The following TERF2 variants were observed in gnomAD, a reference collection of about 807,000 sequenced individuals.
TERF2 encodes the protein telomeric repeat binding factor 2.
A neutral mutation model predicts 56.1 loss-of-function variants in TERF2; 16 were observed. The ratio of observed to expected loss-of-function variants is 0.29; its 90% CI spans 0.19 to 0.43. The LOEUF is 0.43. Ranked by LOEUF, TERF2 falls within the 20% of genes least tolerant of loss-of-function variation. The pLI is 1.00. For synonymous variants in TERF2, 296 were observed against 282.1 expected (o/e 1.05, Z -0.50); for missense variants, 547 against 712.9 (o/e 0.77, Z 2.65).
intron 7 of TERF2, among the ~76,000 whole-genome samples, chr16:69,363,432 C>T (rs1009465437): frequency 5.9e-5 from 9 of 152,194 alleles, no homozygotes; most frequent in Non-Finnish European, 1.3e-4. Context: ...GTGTTCACTG[C>T]CTCTCCTGAC....
At chr16:69,382,115 C>T (rs1012366257) in intron 3 of TERF2, among the ~76,000 whole-genome samples, 3 of 152,188 alleles carry the variant, frequency 2.0e-5, no homozygotes, top group Non-Finnish European at 4.4e-5. Context: ...TGTTTTGGTT[C>T]TGCTTATGAA....
Position 69,367,155 on chromosome 16 carries a change from T to G in TERF2, c.992A>C (p.Lys331Thr). The G allele has an allele frequency of 1.2e-6, 2 of 1,614,098 alleles. No homozygotes were observed. The highest frequency in any genetic ancestry group is 1.7e-6 in the Non-Finnish European group (2 of 1,179,998). Residue 331 changes from lysine (K) to threonine (T), a missense_variant, in exon 7 of 10, where the codon AAA becomes ACA. Physicochemically the swap from Lys to Thr is moderately conservative, Grantham distance 78. Coordinates refer to ENST00000254942, the MANE Select transcript of TERF2 (RefSeq NM_005652.5). ...PPTTIGMMTL[K>T]AAFKTLSGAQ... ...ACCAGACAGAGTCTTGAAAGCTGCT[T>G]TCAGAGTCATCATTCCAATGGTGGT...
At chr16:69,372,800 T>C (rs2013626694) in intron 3 of TERF2, among the ~76,000 whole-genome samples, 1 of 152,114 alleles carries the variant, frequency 6.6e-6, no homozygotes, top group Non-Finnish European at 1.5e-5. Context: ...TCAAGTGTTA[T>C]GAACCACTGG....
intron 5 of TERF2, among the ~76,000 whole-genome samples, chr16:69,369,956 A>C (rs1475828499): frequency 1.3e-5 from 2 of 152,210 alleles, no homozygotes; most frequent in African/African-American, 4.8e-5. Context: ...CCATGTGTAA[A>C]GGAGATAAAA....
At chr16:69,377,266 C>T (rs1425603710) in intron 3 of TERF2, among the ~76,000 whole-genome samples, 1 of 151,786 alleles carries the variant, frequency 6.6e-6, no homozygotes, top group Non-Finnish European at 1.5e-5. Flanking sequence ...CTCTATAGAT[C>T]AACGGGAGCT....
chr16:69,369,962 T>C (rs1026974659), intron 5 of TERF2, among the ~76,000 whole-genome samples: 2 of 152,212 alleles, frequency 1.3e-5, no homozygotes, highest in African/African-American at 4.8e-5. Flanking sequence ...GTAAAGGAGA[T>C]AAAAATGGCA....
At position 69,384,678 on chromosome 16, in the gene TERF2, G is replaced by A; in HGVS notation, c.508C>T (p.Pro170Ser). 1 of 1,614,086 alleles carries A rather than the reference G, an allele frequency of 6.2e-7. No homozygotes were observed. Among genetic ancestry groups the A allele is most frequent in the Non-Finnish European group, 8.5e-7 (1 of 1,179,996 alleles). ...CSFDMEAELT[P>S]LESAINVLEM... ...AGCACATTGATAGCTGATTCCAGTG[G>A]TGTGAGCTCAGCCTCCATATCAAAG... The change falls in exon 3 of 10, where the codon CCA (proline) becomes TCA (serine). Residue 170 changes from proline to serine, a missense_variant. Coordinates refer to ENST00000254942, the MANE Select transcript of TERF2 (RefSeq NM_005652.5).
intron 7 of TERF2, chr16:69,365,167 T>C (rs1288910382): frequency 6.6e-6 from 1 of 152,256 alleles, no homozygotes; most frequent in Non-Finnish European, 1.5e-5. Context: ...TGTTTCCTCA[T>C]CTGTTCCCGG....
At chr16:69,368,686 A>T (rs776540436) in intron 5 of TERF2, 96 of 1,342,662 alleles carry the variant, frequency 7.1e-5, no homozygotes, top group Non-Finnish European at 9.1e-5. Context: ...TAACTAATAC[A>T]TTTTTTTTGA....
chr16:69,376,053 G>C (rs1205082103), intron 3 of TERF2, among the ~76,000 whole-genome samples: 1 of 152,036 alleles, frequency 6.6e-6, no homozygotes, highest in Non-Finnish European at 1.5e-5. Context: ...CAGAGCAAAA[G>C]TTTAAAATTT....
chr16:69,370,164 A>G (rs1196838589), intron 5 of TERF2: 1 of 321,308 alleles, frequency 3.1e-6, no homozygotes, highest in Non-Finnish European at 5.7e-6. Flanking sequence ...CAAAGTAGCT[A>G]GGATTACAGG....
At chr16:69,361,376 A>G in intron 8 of TERF2, 28 bp downstream of exon 8, 2 of 1,520,294 alleles carry the variant, frequency 1.3e-6, no homozygotes, top group South Asian at 2.2e-5. Flanking sequence ...AAGCATCAAG[A>G]AGAGGCCAAG....
At chr16:69,382,303 G>C (rs1223916762) in intron 3 of TERF2, among the ~76,000 whole-genome samples, 1 of 152,224 alleles carries the variant, frequency 6.6e-6, no homozygotes, top group Non-Finnish European at 1.5e-5. Context: ...CATGAGCAAG[G>C]CTCACTGAAC....
rs899717087 is a variant in TERF2 at position 69,372,370 on chromosome 16, A to G, written c.607-15T>C. 7.7e-6 allele frequency: 12 copies of G among 1,560,792 alleles called. No homozygotes were observed. The highest frequency in any genetic ancestry group is 3.6e-5 in the Admixed American group (2 of 54,834). On this transcript the variant is annotated splice_polypyrimidine_tract_variant and intron_variant, in intron 3 of 9. Transcript: ENST00000254942. Reference sequence around the variant, plus strand: ...ATAATGACAGCCTAAAAAGGAGGGGAAAAATCTTTTTTTACTTTTGTAATG... The same window carrying G: ...ATAATGACAGCCTAAAAAGGAGGGGGAAAATCTTTTTTTACTTTTGTAATG...
At chr16:69,365,022 G>A (rs962410824) in intron 7 of TERF2, 20 of 152,374 alleles carry the variant, frequency 1.3e-4, no homozygotes, top group African/African-American at 4.3e-4. Context: ...TTTGGCCCCA[G>A]GGCCACAGCT....
intron 2 of TERF2, among the ~76,000 whole-genome samples, chr16:69,385,116 T>C (rs1005172828): frequency 2.0e-5 from 3 of 151,992 alleles, no homozygotes; most frequent in African/African-American, 7.3e-5. Flanking sequence ...AAGATGTCCA[T>C]ATGAACATAA....
chr16:69,358,754 G>A (rs546115226), intron 8 of TERF2, among the ~76,000 whole-genome samples: 57 of 152,286 alleles, frequency 3.7e-4, no homozygotes, highest in African/African-American at 1.2e-3. Context: ...TAAAGGACTA[G>A]AGTCATCCAC....
intron 7 of TERF2, chr16:69,365,780 C>G (rs1216084354): frequency 1.3e-5 from 2 of 152,320 alleles, no homozygotes; most frequent in African/African-American, 4.8e-5. Flanking sequence ...CCTGCCTCAG[C>G]CTCCCAAAGT....
intron 7 of TERF2, among the ~76,000 whole-genome samples, chr16:69,362,042 A>G (rs923176953): frequency 6.6e-6 from 1 of 151,374 alleles, no homozygotes; most frequent in Non-Finnish European, 1.5e-5. Flanking sequence ...TCTATTCCCT[A>G]ATGGCTTCTC....
Sources: allele counts gnomAD v4.1 joint callset (sites outside exome capture counted in the v4.1 genomes callset), GRCh38; gene constraint gnomAD v4.1.1; transcripts MANE v1.5; gene names NCBI Gene and HGNC (gene_info 2026-07-23, HGNC 2026-07-21).